Variants in OC90 observed in about 807,000 individuals in gnomAD.
The protein encoded by OC90 is otoconin-90.
A neutral mutation model predicts 47.3 loss-of-function variants in OC90; 46 were observed. That is an observed-to-expected ratio of 0.97 (90% CI 0.77 to 1.24). The LOEUF is 1.24. Ranked by LOEUF, OC90 falls within the 50% of genes most tolerant of loss-of-function variation. The pLI, the probability that OC90 is intolerant of heterozygous loss-of-function variation, is 0.00. For missense variants in OC90, 688 were observed against 583.9 expected (o/e 1.18, Z -1.84); for synonymous variants, 271 against 219.5 (o/e 1.23, Z -2.07).
intron 2 of OC90, among the ~76,000 whole-genome samples, chr8:132,053,846 G>T (rs182952978): frequency 6.1e-4 from 93 of 152,328 alleles, no homozygotes; most frequent in Middle Eastern, 6.8e-3. Context: ...GCCCTTGGAA[G>T]TCACAAGGCA....
In OC90 at chr8:132,041,664, C is replaced by T. The variant is rs1311566331; in HGVS notation, c.205G>A (p.Val69Ile). 2.5e-6 allele frequency: 4 copies of T among 1,602,470 alleles called. No individual in the cohort carries two copies. The highest frequency in any genetic ancestry group is 3.4e-5 in the Admixed American group (2 of 58,670). ...LGPHFTWLQA[V>I]FTNFPVLIQF... ...ATCAGCACAGGGAAATTGGTGAAGA[C>T]AGCCTGCAGCCAGGTGAAGTGGGGG... is the stretch of plus-strand genomic sequence containing the variant. The change falls in exon 5 of 14, where the codon GTC becomes ATC. Residue 69 changes from valine to isoleucine, a missense_variant. Transcript: ENST00000254627.
chr8:132,037,626 G>A (rs1822990378), intron 8 of OC90, 138 bp from the exon 9 acceptor site: 2 of 727,902 alleles, frequency 2.7e-6, no homozygotes, highest in Admixed American at 2.1e-5. Flanking sequence ...AAGAAGAGCT[G>A]TTCATCCTGT....
intron 9 of OC90, among the ~76,000 whole-genome samples, chr8:132,035,353 T>G (rs968741101): frequency 6.6e-6 from 1 of 152,156 alleles, no homozygotes; most frequent in African/African-American, 2.4e-5. Flanking sequence ...CCACAGCCCC[T>G]TGAGTTGGTT....
At chr8:132,049,410 G>A (rs553920182) in intron 2 of OC90, among the ~76,000 whole-genome samples, 4 of 152,268 alleles carry the variant, frequency 2.6e-5, no homozygotes, top group African/African-American at 7.2e-5. Context: ...AGGATCTCAC[G>A]CAATTCAAAA....
chr8:132,025,558 G>A (rs763739751), intron 13 of OC90, among the ~76,000 whole-genome samples: 1 of 152,118 alleles, frequency 6.6e-6, no homozygotes, highest in Non-Finnish European at 1.5e-5. Flanking sequence ...TGCATGCAGT[G>A]ATTAGCTAAC....
rs774803411 is a variant in OC90, at chr8:132,029,154, G to A, written c.1057C>T (p.Leu353=). The change falls in exon 13 of 14, where the codon CTA becomes TTA. Residue 353 remains leucine, a synonymous_variant. Coordinates refer to ENST00000254627, the MANE Select transcript of OC90 (RefSeq NM_001080399.3). ...CAGCCCAGCCTTCTCACTTGCTCTA[G>A]GCAGCAGTGATGGGACAAGCAGCAC... ...DRCCLSHHCC[L]EQVRRLGCLL... 2.5e-6 allele frequency: 4 copies of A among 1,613,704 alleles called. No homozygotes were observed. In the South Asian group the frequency reaches 3.3e-5, roughly 13 times the overall value.
At chr8:132,041,909 C>G (rs1056186739) in intron 4 of OC90, among the ~76,000 whole-genome samples, 16 of 152,100 alleles carry the variant, frequency 1.1e-4, no homozygotes, top group African/African-American at 3.4e-4. Flanking sequence ...ACTGACAAAA[C>G]TAGAAAGTTC....
In OC90 at chr8:132,054,855, AG is replaced by A. The variant is rs1823261067; in HGVS notation, c.46+125del. The A allele has an allele frequency of 9.0e-6, 5 of 557,900 alleles. No individual in the cohort carries two copies. The East Asian group carries it at 1.5e-4, about 17-fold the overall frequency. The allele number at this position is 557,900 out of a possible 1,614,324, so 34.6% of individuals were successfully genotyped here. A position where few individuals can be genotyped will look rare whatever the true frequency, so the allele number is the denominator to read the frequency against. On this transcript the variant is annotated intron_variant, in intron 2 of 13. Coordinates refer to ENST00000254627, the MANE Select transcript of OC90 (RefSeq NM_001080399.3). ...ATATGTTTAACCATCTCAATTTTAT[AG>A]AAAGATAAGGACATTTAAAAGACAC... is the stretch of plus-strand genomic sequence containing the variant.
At chr8:132,037,936 C>G (rs966047758) in intron 8 of OC90, among the ~76,000 whole-genome samples, 1 of 152,140 alleles carries the variant, frequency 6.6e-6, no homozygotes, top group Non-Finnish European at 1.5e-5. Flanking sequence ...ACATGCACAC[C>G]CCCACACATG....
In OC90 at chr8:132,028,414, A is replaced by T. The variant is rs140603230; in HGVS notation, c.1138+659T>A. 4.1e-3 allele frequency among the ~76,000 whole-genome samples: 627 copies of T among 152,068 alleles called. 3 individuals carry two copies. Among genetic ancestry groups the T allele is most frequent in the South Asian group, 0.018 (86 of 4,816 alleles). On this transcript the variant is annotated intron_variant, in intron 13 of 13. Transcript: ENST00000254627. ...CTACTTGGGAGGCTGAGGGAGGAGA[A>T]TCGCTGGAATCAGGGGGTTAGAGGT... is the stretch of plus-strand genomic sequence containing the variant.
At chr8:132,048,823 T>G (rs1261780458) in intron 2 of OC90, among the ~76,000 whole-genome samples, 1 of 151,508 alleles carries the variant, frequency 6.6e-6, no homozygotes, top group Non-Finnish European at 1.5e-5. Flanking sequence ...TTTGGCCAAC[T>G]TCGTCACAAG....
intron 6 of OC90, among the ~76,000 whole-genome samples, chr8:132,039,332 C>G (rs1174570939): frequency 6.6e-6 from 1 of 152,144 alleles, no homozygotes; most frequent in Non-Finnish European, 1.5e-5. Context: ...CACTTGCACC[C>G]AGGGCAGCAC....
At chr8:132,059,124 C>A (rs993170762) in intron 1 of OC90, among the ~76,000 whole-genome samples, 1 of 149,526 alleles carries the variant, frequency 6.7e-6, no homozygotes, top group African/African-American at 2.5e-5. Flanking sequence ...TTTCTTCCCT[C>A]CCCTCCTTCC....
In OC90 at chr8:132,037,486, C is replaced by A; in HGVS notation, c.631G>T (p.Val211Phe). 1.3e-6 allele frequency: 2 copies of A among 1,577,238 alleles called. No homozygotes were observed. Among genetic ancestry groups the A allele is most frequent in the Non-Finnish European group, 1.7e-6 (2 of 1,160,244 alleles). ...CTGGTGTCTGTGGGCTCCACAGGAA[C>A]CACTGGAAAAAGAGAGTTCCCAATA... is the stretch of plus-strand genomic sequence containing the variant. The part of the protein sequence containing the change: ...EDLTTLLPRV[V>F]PVEPTDTSLT... Residue 211 changes from valine to phenylalanine, a missense_variant and splice_region_variant, in exon 9 of 14, where the codon GTT becomes TTT. Coordinates refer to ENST00000254627, the MANE Select transcript of OC90 (RefSeq NM_001080399.3).
intron 1 of OC90, among the ~76,000 whole-genome samples, chr8:132,058,277 A>G: frequency 6.6e-6 from 1 of 152,168 alleles, no homozygotes; most frequent in Non-Finnish European, 1.5e-5. Context: ...CCTGTTGGCC[A>G]AGTCAGGCGC....
chr8:132,026,776 C>T (rs1326480775), intron 13 of OC90, among the ~76,000 whole-genome samples: 4 of 152,188 alleles, frequency 2.6e-5, no homozygotes, highest in Non-Finnish European at 2.9e-5. Context: ...TGTGACAACT[C>T]ATGGGCTCTA....
intron 8 of OC90, among the ~76,000 whole-genome samples, chr8:132,037,815 C>T (rs1290461054): frequency 6.6e-6 from 1 of 152,182 alleles, no homozygotes; most frequent in Non-Finnish European, 1.5e-5. Context: ...CAAAGGGAGG[C>T]AGGGGGTGTT....
chr8:132,046,094 C>T (rs1271102764), intron 2 of OC90, among the ~76,000 whole-genome samples: 2 of 152,212 alleles, frequency 1.3e-5, no homozygotes, highest in East Asian at 3.9e-4. Flanking sequence ...ATGTCTTATA[C>T]TGGTAAGCCT....
At chr8:132,034,542 G>A (rs1460922292) in intron 10 of OC90, among the ~76,000 whole-genome samples, 1 of 152,138 alleles carries the variant, frequency 6.6e-6, no homozygotes, top group East Asian at 1.9e-4. Flanking sequence ...AATTATTGGT[G>A]CTAATCTAAT....
Sources: allele counts gnomAD v4.1 joint callset (sites outside exome capture counted in the v4.1 genomes callset), GRCh38; gene constraint gnomAD v4.1.1; transcripts MANE v1.5; gene names NCBI Gene and HGNC (gene_info 2026-07-23, HGNC 2026-07-21).